Variants in PDE2A observed in about 807,000 individuals in gnomAD.
PDE2A encodes the protein cGMP-dependent 3',5'-cyclic phosphodiesterase.
In PDE2A, 53 loss-of-function variants were observed where a neutral mutation model predicts 133.6. That is an observed-to-expected ratio of 0.40 (90% CI 0.32 to 0.50). PDE2A has a LOEUF of 0.50. PDE2A is among the 20% of genes least tolerant of loss of function. The pLI is 0.73. For missense variants in PDE2A, 796 were observed against 1,232.4 expected, an observed-to-expected ratio of 0.65 and a Z score of 5.30; for synonymous variants, 491 against 490.2, an observed-to-expected ratio of 1.00 and a Z score of -0.02.
chr11:72,618,761 G>A (rs895690984), intron 2 of PDE2A, among the ~76,000 whole-genome samples: 3 of 152,124 alleles, frequency 2.0e-5, no homozygotes, highest in East Asian at 1.9e-4. Flanking sequence ...ATGGGCCTAC[G>A]AGCCCATGGG....
intron 16 of PDE2A, 56 bp downstream of exon 16, chr11:72,585,315 A>G (rs565321007): frequency 2.8e-6 from 4 of 1,426,568 alleles, no homozygotes; most frequent in Non-Finnish European, 3.9e-6. Flanking sequence ...AAAGGAGATG[A>G]TGGGGACTGA....
chr11:72,652,242 A>G (rs538832825), intron 1 of PDE2A, among the ~76,000 whole-genome samples: 1 of 152,308 alleles, frequency 6.6e-6, no homozygotes, highest in East Asian at 1.9e-4. Flanking sequence ...CTCCCAGGAG[A>G]CAGAGTCCCT....
In PDE2A at chr11:72,590,454, G is replaced by T. The variant is rs371714314; in HGVS notation, c.676C>A (p.Arg226Ser). 9 of 1,551,216 alleles carry T rather than the reference G, an allele frequency of 5.8e-6. No individual in the cohort carries two copies. Among genetic ancestry groups the T allele is most frequent in the Admixed American group, 5.7e-5 (3 of 52,244 alleles). The change falls in exon 8 of 31, where the codon CGC becomes AGC. Residue 226 changes from arginine (R) to serine (S), a missense_variant. Physicochemically the swap from Arg to Ser is moderately radical, Grantham distance 110. Transcript: ENST00000334456. This position sits in a 1 kb window ranked among gnomAD's most constrained non-coding sequence, Gnocchi z 4.8. ...CACAGTTGGAGGATCTTGCGGTCGCGGTCGGTGTACGCCGCCCCGCCCTTC... is the reference window on the plus strand; with the variant it reads ...CACAGTTGGAGGATCTTGCGGTCGCTGTCGGTGTACGCCGCCCCGCCCTTC... ...DQKGGAAYTDRDRKILQLCGE... is the reference protein window; with the variant it reads ...DQKGGAAYTDSDRKILQLCGE...
At chr11:72,648,693 G>A (rs1859195378) in intron 1 of PDE2A, among the ~76,000 whole-genome samples, 2 of 152,128 alleles carry the variant, frequency 1.3e-5, no homozygotes, top group South Asian at 4.1e-4. Context: ...AGTCCAGGGG[G>A]CTCGAGCCCC....
At chr11:72,606,540 G>A (rs1254988141) in intron 3 of PDE2A, among the ~76,000 whole-genome samples, 1 of 152,198 alleles carries the variant, frequency 6.6e-6, no homozygotes, top group African/African-American at 2.4e-5. Context: ...TGTGGCATGG[G>A]GTGGGAATGA....
At chr11:72,656,936 C>T (rs939196258) in intron 1 of PDE2A, among the ~76,000 whole-genome samples, 3 of 152,192 alleles carry the variant, frequency 2.0e-5, no homozygotes, top group Admixed American at 2.0e-4. Flanking sequence ...AAACTTCAAA[C>T]TCCTCACTGC....
chr11:72,619,524 T>G (rs992775822), intron 2 of PDE2A, among the ~76,000 whole-genome samples: 1 of 152,184 alleles, frequency 6.6e-6, no homozygotes, highest in Non-Finnish European at 1.5e-5. Flanking sequence ...TAAACATGTG[T>G]GAGTACCCTG....
At chr11:72,637,088 C>T (rs1330536199) in intron 2 of PDE2A, among the ~76,000 whole-genome samples, 2 of 137,366 alleles carry the variant, frequency 1.5e-5, no homozygotes, top group Non-Finnish European at 2.9e-5. Context: ...CATTCTCTCC[C>T]CTCTGTCCAG....
chr11:72,616,481 C>T (rs467139), intron 2 of PDE2A, among the ~76,000 whole-genome samples: 116,984 of 152,178 alleles, frequency 0.77, 45,100 homozygotes, highest in East Asian at 0.93. Flanking sequence ...TGTTGGTAGG[C>T]GTTTGCTGAG....
chr11:72,590,312 C>A lies in PDE2A; in HGVS notation c.704-68G>T, dbSNP rs747927088. ...CCTCCGTGTCCGGGTCCCTCAGGCG[C>A]CGCTCAGCTCCGCGCCGGGCCCGCC... On this transcript the variant is annotated intron_variant, in intron 8 of 30. Transcript: ENST00000334456. This position sits in a 1 kb window ranked among gnomAD's most constrained non-coding sequence, Gnocchi z 4.8. 2 of 1,537,904 alleles carry A rather than the reference C, an allele frequency of 1.3e-6. No homozygotes were observed.
At chr11:72,620,070 C>G (rs1017380716) in intron 2 of PDE2A, among the ~76,000 whole-genome samples, 1 of 152,124 alleles carries the variant, frequency 6.6e-6, no homozygotes, top group Non-Finnish European at 1.5e-5. Context: ...TCAGCACCAC[C>G]CCACCTCTGC....
chr11:72,592,607 G>C (rs550056221), intron 6 of PDE2A, among the ~76,000 whole-genome samples: 2 of 152,312 alleles, frequency 1.3e-5, no homozygotes, highest in South Asian at 4.1e-4. Flanking sequence ...GGCGGTAGGT[G>C]GTGCGGGGAG....
At chr11:72,584,466 G>A in intron 18 of PDE2A, 85 bp downstream of exon 18, 1 of 1,444,732 alleles carries the variant, frequency 6.9e-7, no homozygotes, top group South Asian at 1.2e-5. Flanking sequence ...GCTGGAGGCG[G>A]TGGGGAAGTG....
At chr11:72,670,575 C>T (rs982918003) in intron 1 of PDE2A, among the ~76,000 whole-genome samples, 9 of 142,490 alleles carry the variant, frequency 6.3e-5, no homozygotes, top group African/African-American at 1.5e-4. Context: ...GTCCTCACTC[C>T]CTTATTTGAC....
At chr11:72,581,331 G>C in intron 23 of PDE2A, 26 bp downstream of exon 23, 1 of 1,611,358 alleles carries the variant, frequency 6.2e-7, no homozygotes, top group South Asian at 1.1e-5. Flanking sequence ...GTGGCTGCCA[G>C]ATGTGGGGGA....
chr11:72,582,412 C>T lies in PDE2A; in HGVS notation c.1851+32G>A, dbSNP rs1363253322. Reference sequence around the variant, plus strand: ...TAAGCCTCTGGCTACATACCTTCGGCCTGGCCAGTCAAGTGGAGGAGAGCA... The same window carrying T: ...TAAGCCTCTGGCTACATACCTTCGGTCTGGCCAGTCAAGTGGAGGAGAGCA... On this transcript the variant is annotated intron_variant, in intron 21 of 30. Coordinates refer to ENST00000334456, the MANE Select transcript of PDE2A (RefSeq NM_002599.5). The T allele has an allele frequency of 3.1e-6, 5 of 1,607,342 alleles. No individual in the cohort carries two copies. In the East Asian group the frequency reaches 8.9e-5, roughly 29 times the overall value.
At position 72,596,613 on chromosome 11, in the gene PDE2A, C is replaced by A; in HGVS notation, c.469G>T (p.Ala157Ser). The A allele has an allele frequency of 6.6e-7, 1 of 1,512,342 alleles. No homozygotes were observed. 93.7% of individuals were successfully genotyped at this position (1,512,342 alleles called of 1,614,324 possible). Reference protein sequence around the residue: ...VMPLADKEAGAVAAVILVHCG... With the variant: ...VMPLADKEAGSVAAVILVHCG... ...CTTACCAAGATGACAGCTGCCACGG[C>A]CCCAGCCTCCTTGTCCGCTAGCGGC... Residue 157 changes from alanine to serine, a missense_variant, in exon 6 of 31, where the codon GCC becomes TCC. Transcript: ENST00000334456.
At chr11:72,609,731 C>G (rs1218489304) in intron 2 of PDE2A, among the ~76,000 whole-genome samples, 1 of 152,084 alleles carries the variant, frequency 6.6e-6, no homozygotes, top group Non-Finnish European at 1.5e-5. Flanking sequence ...CCCGCAAGCC[C>G]TTGGAAGTCC....
chr11:72,606,981 G>A (rs72960170), intron 3 of PDE2A, among the ~76,000 whole-genome samples: 67 of 152,310 alleles, frequency 4.4e-4, no homozygotes, highest in South Asian at 1.2e-3. Flanking sequence ...GTGCTGATGA[G>A]GAAGCCAGGT....
Sources: allele counts gnomAD v4.1 joint callset (sites outside exome capture counted in the v4.1 genomes callset), GRCh38; gene constraint gnomAD v4.1.1; non-coding constraint Gnocchi (gnomAD v3.1); transcripts MANE v1.5; gene names NCBI Gene and HGNC (gene_info 2026-07-23, HGNC 2026-07-21).